Variants in SORCS1 observed in about 807,000 individuals in gnomAD.
SORCS1 encodes VPS10 domain-containing receptor SorCS1.
Under a neutral mutation model 146.1 loss-of-function variants are expected in SORCS1, and 60 were observed. The observed-to-expected ratio is 0.41, with a 90% CI of 0.33 to 0.51. The LOEUF (loss-of-function observed/expected upper bound fraction) is 0.51, where lower values mean the gene tolerates loss of function less well. Ranked by LOEUF, SORCS1 falls within the 20% of genes least tolerant of loss-of-function variation. The pLI is 0.21. For missense variants in SORCS1, 1,352 were observed against 1,487.6 expected (o/e 0.91, Z 1.50); for synonymous variants, 637 against 584.0 (o/e 1.09, Z -1.31).
chr10:106,927,238 T>C (rs1953094716), intron 2 of SORCS1, among the ~76,000 whole-genome samples: 1 of 152,192 alleles, frequency 6.6e-6, no homozygotes, highest in Non-Finnish European at 1.5e-5. Flanking sequence ...TTGTTCATTC[T>C]GATGTTCGGA....
At chr10:107,168,914 G>A (rs1970105330), upstream of SORCS1, among the ~76,000 whole-genome samples, 1 of 152,216 alleles carries the variant, frequency 6.6e-6, no homozygotes, top group South Asian at 2.1e-4. Flanking sequence ...TAATTGGCTT[G>A]AAACATTTTT....
At chr10:106,694,259 T>C (rs1243544627) in intron 9 of SORCS1, among the ~76,000 whole-genome samples, 2 of 152,030 alleles carry the variant, frequency 1.3e-5, no homozygotes, top group African/African-American at 2.4e-5. Flanking sequence ...AATAGTACAT[T>C]CTTTTATTAT....
chr10:106,862,684 G>T (rs146942769), intron 2 of SORCS1, among the ~76,000 whole-genome samples: 4,864 of 148,186 alleles, frequency 0.033, 239 homozygotes, highest in African/African-American at 0.11. Flanking sequence ...GGTGGCTCGC[G>T]CCTGTAATCC....
chr10:106,861,413 A>T (rs1042402782), intron 2 of SORCS1, among the ~76,000 whole-genome samples: 13 of 151,666 alleles, frequency 8.6e-5, no homozygotes, highest in African/African-American at 2.9e-4. Context: ...AAAAAAAAAA[A>T]AAAAGAATAT....
At chr10:106,634,178 A>C (rs1848595871) in intron 18 of SORCS1, among the ~76,000 whole-genome samples, 1 of 152,214 alleles carries the variant, frequency 6.6e-6, no homozygotes, top group South Asian at 2.1e-4. Context: ...CAAGATTAGC[A>C]AACTTCGCTA....
At chr10:106,908,033 C>A (rs1230191881) in intron 2 of SORCS1, among the ~76,000 whole-genome samples, 2 of 152,154 alleles carry the variant, frequency 1.3e-5, no homozygotes, top group African/African-American at 4.8e-5. Flanking sequence ...TGTCACTCAG[C>A]ATATGGTGCC....
chr10:106,830,637 T>A (rs749846143), intron 2 of SORCS1, among the ~76,000 whole-genome samples: 2 of 150,978 alleles, frequency 1.3e-5, no homozygotes, highest in Non-Finnish European at 2.9e-5. Context: ...GGCTCACGCC[T>A]GTAATACCAG....
At chr10:106,978,744 G>A (rs1956137973) in intron 1 of SORCS1, among the ~76,000 whole-genome samples, 1 of 151,292 alleles carries the variant, frequency 6.6e-6, no homozygotes, top group Non-Finnish European at 1.5e-5. Context: ...GTAGCAGTGA[G>A]CTGAGATAGT....
intron 1 of SORCS1, among the ~76,000 whole-genome samples, chr10:107,156,866 G>A (rs1969324476): frequency 2.6e-5 from 4 of 152,186 alleles, no homozygotes; most frequent in Admixed American, 2.6e-4. Flanking sequence ...ACCCAGTCAT[G>A]AGTAGTCTCA....
At chr10:107,070,242 C>T (rs190110506) in intron 1 of SORCS1, among the ~76,000 whole-genome samples, 1 of 150,826 alleles carries the variant, frequency 6.6e-6, no homozygotes, top group Admixed American at 6.6e-5. Flanking sequence ...ACGAATAATG[C>T]TTCTATGACC....
intron 3 of SORCS1, among the ~76,000 whole-genome samples, chr10:106,816,813 C>G (rs1455541189): frequency 6.6e-6 from 1 of 152,066 alleles, no homozygotes; most frequent in Admixed American, 6.6e-5. Flanking sequence ...CAATGGGCAT[C>G]GAGCCAGAAT....
chr10:107,106,079 G>A (rs138290885), intron 1 of SORCS1, among the ~76,000 whole-genome samples: 18 of 152,288 alleles, frequency 1.2e-4, no homozygotes, highest in African/African-American at 4.1e-4. Flanking sequence ...CAAAGGAAGA[G>A]ATGGTTATGT....
At chr10:107,100,513 C>CAA (rs60616581) in intron 1 of SORCS1, among the ~76,000 whole-genome samples, 50 of 139,358 alleles carry the variant, frequency 3.6e-4, no homozygotes, top group East Asian at 2.6e-3. Context: ...GACTCCGCCT[C>CAA]AAAAAAAAAA....
At chr10:106,726,269 T>C (rs1343876254) in intron 6 of SORCS1, among the ~76,000 whole-genome samples, 6 of 146,930 alleles carry the variant, frequency 4.1e-5, no homozygotes, top group Admixed American at 4.1e-4. Flanking sequence ...ATTTTTTTTT[T>C]CCTGTTTTGT....
At chr10:106,987,726 A>C (rs1956545080) in intron 1 of SORCS1, among the ~76,000 whole-genome samples, 2 of 152,154 alleles carry the variant, frequency 1.3e-5, no homozygotes, top group Non-Finnish European at 2.9e-5. Context: ...CAGAATTTAT[A>C]ATTATTACCT....
At chr10:106,897,165 G>A (rs1478407301) in intron 2 of SORCS1, among the ~76,000 whole-genome samples, 1 of 151,646 alleles carries the variant, frequency 6.6e-6, no homozygotes, top group Non-Finnish European at 1.5e-5. Context: ...ACAGGCATGA[G>A]CCACCTCGCC....
At chr10:107,036,301 T>C (rs1958902989) in intron 1 of SORCS1, among the ~76,000 whole-genome samples, 1 of 152,178 alleles carries the variant, frequency 6.6e-6, no homozygotes, top group African/African-American at 2.4e-5. Flanking sequence ...TTTAATGTAA[T>C]GTGTATAGGT....
At chr10:107,019,028 G>GT (rs1314559510) in intron 1 of SORCS1, among the ~76,000 whole-genome samples, 7 of 152,198 alleles carry the variant, frequency 4.6e-5, no homozygotes, top group Middle Eastern at 6.8e-3. Context: ...TCTGAGCCTT[G>GT]TTTTTTTGCA....
chr10:106,834,722 A>G (rs1436927949), intron 2 of SORCS1, among the ~76,000 whole-genome samples: 2 of 152,212 alleles, frequency 1.3e-5, no homozygotes, highest in South Asian at 4.1e-4. Context: ...GTGTATCTTA[A>G]ATAGTCATAA....
Sources: allele counts gnomAD v4.1 joint callset (sites outside exome capture counted in the v4.1 genomes callset), GRCh38; gene constraint gnomAD v4.1.1; transcripts MANE v1.5; gene names NCBI Gene and HGNC (gene_info 2026-07-23, HGNC 2026-07-21).